ADCY10: variants seen among roughly 807,000 people sequenced by gnomAD.
The protein encoded by ADCY10 is adenylate cyclase 10, also known as adenylate cyclase type 10.
Under a neutral mutation model 183.3 loss-of-function variants are expected in ADCY10, and 156 were observed. The ratio of observed to expected loss-of-function variants is 0.85; its 90% CI spans 0.75 to 0.97. The LOEUF is 0.97. Among genes scored for constraint, ADCY10 ranks in the 50% least tolerant of loss-of-function variants. ADCY10 has a pLI of 0.00. For missense variants in ADCY10, 1,745 were observed against 1,934.3 expected (o/e 0.90, Z 1.84); for synonymous variants, 645 against 670.0 (o/e 0.96, Z 0.58).
At chr1:167,820,920 C>CA (rs1230238397) in intron 30 of ADCY10, 1 of 152,248 alleles carries the variant, frequency 6.6e-6, no homozygotes, top group Non-Finnish European at 1.5e-5. Context: ...ACCTGGGTGA[C>CA]ACAGCAAGAC....
At chr1:167,890,308 A>T (rs1668502102) in intron 8 of ADCY10, among the ~76,000 whole-genome samples, 1 of 152,264 alleles carries the variant, frequency 6.6e-6, no homozygotes, top group Non-Finnish European at 1.5e-5. Flanking sequence ...GCAGACTTAT[A>T]GAGGTACCAC....
chr1:167,843,486 G>T (rs1664798844), intron 21 of ADCY10, among the ~76,000 whole-genome samples: 1 of 151,632 alleles, frequency 6.6e-6, no homozygotes, highest in South Asian at 2.1e-4. Flanking sequence ...ATAGGGCCCT[G>T]TGTGGGATCC....
intron 9 of ADCY10, 29 bp downstream of exon 9, chr1:167,883,408 T>C: frequency 6.2e-7 from 1 of 1,607,200 alleles, no homozygotes; most frequent in Non-Finnish European, 8.5e-7. Flanking sequence ...AAACTATTGG[T>C]AGGTTCCCAT....
chr1:167,857,341 C>A (rs1042665006), intron 16 of ADCY10, among the ~76,000 whole-genome samples: 1 of 152,220 alleles, frequency 6.6e-6, no homozygotes, highest in Admixed American at 6.5e-5. Context: ...TAAGTCTACT[C>A]CTGCAGCCCC....
intron 15 of ADCY10, among the ~76,000 whole-genome samples, chr1:167,860,102 T>G (rs561206876): frequency 1.3e-5 from 2 of 152,316 alleles, no homozygotes; most frequent in Non-Finnish European, 2.9e-5. Context: ...TTTAGGATGA[T>G]TCAGGTGCAT....
chr1:167,822,133 A>G lies in ADCY10; in HGVS notation c.4177T>C (p.Tyr1393His). 6.4e-7 allele frequency: 1 copy of G among 1,573,682 alleles called. No individual in the cohort carries two copies. Among genetic ancestry groups the G allele is most frequent in the Non-Finnish European group, 8.7e-7 (1 of 1,143,118 alleles). The change falls in exon 30 of 33, where the codon TAT (tyrosine) becomes CAT (histidine). Residue 1393 changes from tyrosine (Y) to histidine (H), a missense_variant. Tyr to His is a moderately conservative substitution (Grantham distance 83). Coordinates refer to ENST00000367851, the MANE Select transcript of ADCY10 (RefSeq NM_018417.6). ...LDILLYSGFV[Y>H]RTFEECLEFI... ...TCCAAACATTCTTCAAATGTTCTAT[A>G]AACAAAACCTAAGAGAGAGAGGAAT...
chr1:167,880,640 G>A lies in ADCY10; in HGVS notation c.1021-31C>T, dbSNP rs535843155. 3.3e-6 allele frequency: 5 copies of A among 1,512,136 alleles called. No individual in the cohort carries two copies. In the African/African-American group the frequency reaches 6.8e-5, roughly 21 times the overall value. 93.7% of individuals were successfully genotyped at this position (1,512,136 alleles called of 1,614,324 possible). Reference sequence around the variant, plus strand: ...AGGGAGAGAGACAGCAACCACAGCTGATGGACAGTGTGCTTTAAACTGGAC... The same window carrying A: ...AGGGAGAGAGACAGCAACCACAGCTAATGGACAGTGTGCTTTAAACTGGAC... On this transcript the variant is annotated intron_variant, in intron 9 of 32. Coordinates refer to ENST00000367851, the MANE Select transcript of ADCY10 (RefSeq NM_018417.6).
At chr1:167,812,126 G>A (rs1247507190) in intron 31 of ADCY10, among the ~76,000 whole-genome samples, 3 of 152,186 alleles carry the variant, frequency 2.0e-5, no homozygotes, top group African/African-American at 7.2e-5. Flanking sequence ...AAAGGACCCT[G>A]TCTGAGATAT....
chr1:167,858,889 A>G, intron 16 of ADCY10, among the ~76,000 whole-genome samples: 1 of 148,886 alleles, frequency 6.7e-6, no homozygotes, highest in East Asian at 2.2e-4. Flanking sequence ...AGCTATGGAA[A>G]TAGTCCAGGA....
chr1:167,820,196 G>A (rs1367230823), intron 30 of ADCY10: 6 of 1,542,356 alleles, frequency 3.9e-6, no homozygotes, highest in Admixed American at 2.0e-5. Flanking sequence ...CGCAGCTCCC[G>A]AGGCTGCGAC....
At chr1:167,829,545 G>C in intron 25 of ADCY10, 122 bp from the exon 26 acceptor site, 2 of 1,116,532 alleles carry the variant, frequency 1.8e-6, no homozygotes, top group Non-Finnish European at 1.3e-6. Flanking sequence ...TTGAATTTGA[G>C]GCCTGTCTCC....
At chr1:167,841,296 G>T (rs1483431479) in intron 21 of ADCY10, among the ~76,000 whole-genome samples, 1 of 151,920 alleles carries the variant, frequency 6.6e-6, no homozygotes, top group Non-Finnish European at 1.5e-5. Flanking sequence ...GAAGGGCCAC[G>T]CTCCTGTCTT....
chr1:167,813,949 T>C (rs1410460995), intron 31 of ADCY10, among the ~76,000 whole-genome samples: 1 of 152,056 alleles, frequency 6.6e-6, no homozygotes, highest in Non-Finnish European at 1.5e-5. Flanking sequence ...GTAATCCTCA[T>C]GGTAACCATA....
chr1:167,853,482 C>CT (rs748156477), intron 18 of ADCY10, among the ~76,000 whole-genome samples: 1 of 152,268 alleles, frequency 6.6e-6, no homozygotes, highest in South Asian at 2.1e-4. Flanking sequence ...GCTTAAGAAT[C>CT]TAGCAACTCA....
In ADCY10 at chr1:167,838,236, G is replaced by A. The variant is rs141043674; in HGVS notation, c.3008-918C>T. Among the ~76,000 whole-genome samples, 9 of 152,292 alleles carry A rather than the reference G, an allele frequency of 5.9e-5. No homozygotes were observed. The East Asian group carries it at 1.7e-3, about 29-fold the overall frequency. The stretch of plus-strand genomic sequence containing the variant: ...GTGCCCGTCAACCCTGTGCAGACCT[G>A]TATCATAGTCCTTATTGTACTGCAC... On this transcript the variant is annotated intron_variant, in intron 21 of 32. Transcript: ENST00000367851.
chr1:167,906,466 TA>T (rs1322605868), intron 1 of ADCY10, among the ~76,000 whole-genome samples: 1 of 151,802 alleles, frequency 6.6e-6, no homozygotes, highest in Non-Finnish European at 1.5e-5. Context: ...CTTCAGATAG[TA>T]AATTTGGTGC....
chr1:167,878,283 G>A (rs1011617482), intron 12 of ADCY10, among the ~76,000 whole-genome samples, 163 bp downstream of exon 12: 7 of 152,136 alleles, frequency 4.6e-5, no homozygotes, highest in African/African-American at 1.7e-4. Context: ...TCAGTCAGAT[G>A]GAGGAAAGAT....
At chr1:167,895,907 T>C (rs539761197) in intron 7 of ADCY10, among the ~76,000 whole-genome samples, 2 of 152,152 alleles carry the variant, frequency 1.3e-5, no homozygotes, top group African/African-American at 4.8e-5. Flanking sequence ...GAAAGGAAAC[T>C]AAGCAAAGAG....
intron 1 of ADCY10, among the ~76,000 whole-genome samples, chr1:167,908,517 A>G (rs768537813): frequency 2.0e-5 from 3 of 152,242 alleles, no homozygotes; most frequent in Non-Finnish European, 4.4e-5. Context: ...AAAGTATTAT[A>G]TACTTCAAAA....
Sources: gnomAD v4.1 joint callset for allele counts (sites outside exome capture counted in the v4.1 genomes callset) on GRCh38, gnomAD v4.1.1 for gene constraint, MANE v1.5 for transcripts, NCBI Gene and HGNC (gene_info 2026-07-23, HGNC 2026-07-21) for gene names.